HPSE: variants seen among roughly 807,000 people sequenced by gnomAD.
The protein encoded by HPSE is heparanase, also known as endo-glucoronidase.
Under a neutral mutation model 65.1 loss-of-function variants are expected in HPSE, and 48 were observed. The ratio of observed to expected loss-of-function variants is 0.74; its 90% CI spans 0.58 to 0.94. The LOEUF is 0.94. Among genes scored for constraint, HPSE ranks in the 40% least tolerant of loss-of-function variants. HPSE has a pLI of 0.00. For synonymous variants in HPSE, 243 were observed against 260.0 expected (o/e 0.93, Z 0.63); for missense variants, 644 against 637.5 (o/e 1.01, Z -0.11).
At chr4:83,319,081 T>A (rs967824317) in intron 3 of HPSE, among the ~76,000 whole-genome samples, 1 of 152,214 alleles carries the variant, frequency 6.6e-6, no homozygotes, top group African/African-American at 2.4e-5. Flanking sequence ...CGTAGTTTTT[T>A]AGAGCACTGA....
At chr4:83,301,317 A>G (rs183694913) in intron 10 of HPSE, among the ~76,000 whole-genome samples, 3 of 152,228 alleles carry the variant, frequency 2.0e-5, no homozygotes, top group East Asian at 3.9e-4. Flanking sequence ...TGAAAACACA[A>G]TTAAAAATGT....
At chr4:83,301,253 C>A in intron 10 of HPSE, 147 bp from the exon 11 acceptor site, 1 of 508,902 alleles carries the variant, frequency 2.0e-6, no homozygotes, top group Non-Finnish European at 3.4e-6. Flanking sequence ...GACAGTGGGC[C>A]CTCTTAGTAT....
intron 11 of HPSE, 75 bp downstream of exon 11, chr4:83,300,885 C>A (rs575327348): frequency 9.3e-6 from 8 of 861,592 alleles, no homozygotes; most frequent in Non-Finnish European, 1.4e-5. Flanking sequence ...CTTTTGCTCC[C>A]TGTCCAAACT....
At chr4:83,324,426 A>G (rs1470968099) in intron 1 of HPSE, among the ~76,000 whole-genome samples, 3 of 152,220 alleles carry the variant, frequency 2.0e-5, no homozygotes, top group Non-Finnish European at 4.4e-5. Flanking sequence ...TAGGAAATAA[A>G]CTAAAAGATA....
intron 10 of HPSE, among the ~76,000 whole-genome samples, chr4:83,301,776 G>T (rs1184936504): frequency 1.3e-5 from 2 of 152,080 alleles, no homozygotes; most frequent in African/African-American, 2.4e-5. Context: ...AGAGTATGAG[G>T]CTACAAAAAT....
intron 8 of HPSE, among the ~76,000 whole-genome samples, chr4:83,307,349 G>A (rs1269143637): frequency 6.6e-6 from 1 of 152,142 alleles, no homozygotes; most frequent in African/African-American, 2.4e-5. Context: ...GGAATTAACA[G>A]GAAGCCAGAA....
chr4:83,302,120 T>C, intron 10 of HPSE, 30 bp downstream of exon 10: 1 of 1,456,620 alleles, frequency 6.9e-7, no homozygotes, highest in Non-Finnish European at 9.6e-7. Flanking sequence ...TAAAACTTGA[T>C]GATTGGTAAA....
intron 8 of HPSE, 83 bp from the exon 9 acceptor site, chr4:83,306,400 T>C: frequency 1.4e-6 from 1 of 690,930 alleles, no homozygotes. Context: ...TGATTTTATT[T>C]ATGTATTTAT....
Position 83,334,826 on chromosome 4 carries a change from G to GGA in HPSE, c.-46_-45dup. 6.8e-7 allele frequency: 1 copy of GGA among 1,476,384 alleles called. No individual in the cohort carries two copies. The highest frequency in any genetic ancestry group is 2.5e-4 in the Middle Eastern group (1 of 4,078). 91.5% of individuals were successfully genotyped at this position (1,476,384 alleles called of 1,614,324 possible). ...CTCCCCCCGCCAGCTGCCGCGCAGC[G>GGA]GAGAGTCGAGAGCTCTAGCACTTCC... is the stretch of plus-strand genomic sequence containing the variant. On this transcript the variant is annotated 5_prime_UTR_variant, in exon 1 of 12. Transcript: ENST00000311412.
In HPSE at chr4:83,308,884, C is replaced by T; in HGVS notation, c.1052G>A (p.Gly351Glu). 1.9e-6 allele frequency: 3 copies of T among 1,614,162 alleles called. No individual in the cohort carries two copies. Among genetic ancestry groups the T allele is most frequent in the Non-Finnish European group, 2.5e-6 (3 of 1,180,014 alleles). The change falls in exon 8 of 12, where the codon GGA (glycine) becomes GAA (glutamate). Residue 351 changes from glycine (G) to glutamate (E), a missense_variant. Physicochemically the swap from Gly to Glu is moderately conservative, Grantham distance 98 (BLOSUM62 -2). Coordinates refer to ENST00000311412, the MANE Select transcript of HPSE (RefSeq NM_001098540.3). ...AAAGGTGTCGGATAGCAAGGGCGCT[C>T]CGCCTCCATATGCAGAGCTTGTTTC... is the stretch of plus-strand genomic sequence containing the variant. The part of the protein sequence containing the change: ...LGETSSAYGG[G>E]APLLSDTFAA...
intron 1 of HPSE, among the ~76,000 whole-genome samples, chr4:83,332,308 A>G (rs1368601798): frequency 6.6e-6 from 1 of 152,044 alleles, no homozygotes; most frequent in Non-Finnish European, 1.5e-5. Flanking sequence ...GGACCCTCAC[A>G]CTCTAATTTA....
intron 3 of HPSE, among the ~76,000 whole-genome samples, chr4:83,316,286 C>A (rs994233246): frequency 1.3e-5 from 2 of 150,850 alleles, no homozygotes; most frequent in Non-Finnish European, 2.9e-5. Context: ...CTCAGCCTCT[C>A]AAAGTGCTGG....
intron 1 of HPSE, among the ~76,000 whole-genome samples, chr4:83,328,702 G>C (rs1737243653): frequency 6.6e-6 from 1 of 151,918 alleles, no homozygotes; most frequent in African/African-American, 2.4e-5. Flanking sequence ...GAAGAAACGG[G>C]GTGGTTTCTG....
intron 9 of HPSE, 152 bp from the exon 10 acceptor site, chr4:83,302,420 T>TTCA: frequency 3.6e-6 from 2 of 555,512 alleles, no homozygotes; most frequent in Non-Finnish European, 6.4e-6. Flanking sequence ...TTTTTTTTTT[T>TTCA]CCCCTCACAT....
chr4:83,331,835 C>A (rs546438669), intron 1 of HPSE, among the ~76,000 whole-genome samples: 1 of 152,286 alleles, frequency 6.6e-6, no homozygotes, highest in African/African-American at 2.4e-5. Flanking sequence ...TCTTTTTCTA[C>A]CATATCCTAC....
At position 83,326,608 on chromosome 4, in the gene HPSE, G is replaced by A. The variant is rs1270693406; in HGVS notation, c.228-4244C>T. Among the ~76,000 whole-genome samples the A allele has an allele frequency of 2.0e-5, 3 of 152,164 alleles. No homozygotes were observed. Among genetic ancestry groups the A allele is most frequent in the Non-Finnish European group, 4.4e-5 (3 of 68,034 alleles). ...AACTCAGGAGACACATACAGGCCGG[G>A]AATATAGACAGGCGAGTCCTCAGTA... On this transcript the variant is annotated intron_variant, in intron 1 of 11. Coordinates refer to ENST00000311412, the MANE Select transcript of HPSE (RefSeq NM_001098540.3). This position sits in a 1 kb window ranked among gnomAD's most constrained non-coding sequence, Gnocchi z 4.2.
chr4:83,311,377 T>A (rs756866796), intron 4 of HPSE, among the ~76,000 whole-genome samples: 9 of 152,098 alleles, frequency 5.9e-5, no homozygotes, highest in Non-Finnish European at 1.0e-4. Flanking sequence ...AAAACAAAAA[T>A]TTTAACTGTA....
chr4:83,332,204 G>A (rs183131844), intron 1 of HPSE, among the ~76,000 whole-genome samples: 49 of 152,308 alleles, frequency 3.2e-4, no homozygotes, highest in African/African-American at 1.0e-3. Flanking sequence ...AACAACAGGC[G>A]TCTTACTCTC....
At chr4:83,307,275 G>C (rs1736177232) in intron 8 of HPSE, among the ~76,000 whole-genome samples, 4 of 152,128 alleles carry the variant, frequency 2.6e-5, no homozygotes, top group Non-Finnish European at 5.9e-5. Context: ...GAACCTGTTG[G>C]GTGGTTACAG....
Sources: allele counts gnomAD v4.1 joint callset (sites outside exome capture counted in the v4.1 genomes callset), GRCh38; gene constraint gnomAD v4.1.1; non-coding constraint Gnocchi (gnomAD v3.1); transcripts MANE v1.5; gene names NCBI Gene and HGNC (gene_info 2026-07-23, HGNC 2026-07-21).